Variants in CLEC4D observed in about 807,000 individuals in gnomAD.
CLEC4D encodes C-type lectin domain family 4 member D.
In CLEC4D, 21 loss-of-function variants were observed where a neutral mutation model predicts 21.1. The ratio of observed to expected loss-of-function variants is 1.00; its 90% CI spans 0.71 to 1.43. CLEC4D has a LOEUF of 1.43. Among genes scored for constraint, CLEC4D ranks in the 40% most tolerant of loss-of-function variants. CLEC4D has a pLI of 0.00. For missense variants in CLEC4D, 289 were observed against 260.7 expected, an observed-to-expected ratio of 1.11 and a Z score of -0.75; for synonymous variants, 85 against 83.1, an observed-to-expected ratio of 1.02 and a Z score of -0.12.
At position 8,513,727 on chromosome 12, in the gene CLEC4D, TA is replaced by T; in HGVS notation, c.-5del. The T allele has an allele frequency of 9.0e-7, 1 of 1,115,802 alleles. No individual in the cohort carries two copies. Among genetic ancestry groups the T allele is most frequent in the Non-Finnish European group, 1.4e-6 (1 of 726,690 alleles). 69.1% of individuals were successfully genotyped at this position (1,115,802 alleles called of 1,614,324 possible). On this transcript the variant is annotated 5_prime_UTR_variant, in exon 1 of 6. Coordinates refer to ENST00000299665, the MANE Select transcript of CLEC4D (RefSeq NM_080387.5). ...CCTGACCATTGAACAAGAGACTAATTAGACAATGGGGCTAGAAAAACCTCAA... is the reference window on the plus strand; with the variant it reads ...CCTGACCATTGAACAAGAGACTAATTGACAATGGGGCTAGAAAAACCTCAA...
chr12:8,515,328 G>T lies in CLEC4D; in HGVS notation c.121G>T (p.Val41Leu). 2 of 1,284,984 alleles carry T rather than the reference G, an allele frequency of 1.6e-6. No individual in the cohort carries two copies. Among genetic ancestry groups the T allele is most frequent in the Non-Finnish European group, 2.3e-6 (2 of 880,646 alleles). The allele number at this position is 1,284,984 out of a possible 1,614,324, so 79.6% of individuals were successfully genotyped here. The change falls in exon 2 of 6, where the codon GTG becomes TTG. Residue 41 changes from valine to leucine, a missense_variant and splice_region_variant. Physicochemically the swap from Val to Leu is conservative, Grantham distance 32. Transcript: ENST00000299665. ...TGTCTGTTTTATTGCAAGTTGTTTG[G>T]GTAAGTTATTAGCCAAAGTAGAACT... is the stretch of plus-strand genomic sequence containing the variant. The part of the protein sequence containing the change: ...LSVCFIASCL[V>L]THHNFSRCKR...
At chr12:8,519,952 G>A (rs1940436784) in intron 4 of CLEC4D, among the ~76,000 whole-genome samples, 1 of 152,184 alleles carries the variant, frequency 6.6e-6, no homozygotes, top group African/African-American at 2.4e-5. Context: ...ATCTTATTAA[G>A]CATTGTGCTA....
At position 8,513,635 on chromosome 12, in the gene CLEC4D, C is replaced by G. The variant is rs748701347; in HGVS notation, c.-98C>G. 18 of 697,326 alleles carry G rather than the reference C, an allele frequency of 2.6e-5. No homozygotes were observed. The South Asian group carries it at 3.0e-4, about 12-fold the overall frequency. 43.2% of individuals were successfully genotyped at this position (697,326 alleles called of 1,614,324 possible). A position where few individuals can be genotyped will look rare whatever the true frequency, so the allele number is the denominator to read the frequency against. ...CATTGGTGTTCGATCTCAAGTATTT[C>G]TGAATATATTCCCCTATCCACAGAA... On this transcript the variant is annotated 5_prime_UTR_variant, in exon 1 of 6. Transcript: ENST00000299665.
chr12:8,528,989 T>C, the CLEC4D span, among the ~76,000 whole-genome samples: 1 of 152,106 alleles, frequency 6.6e-6, no homozygotes, highest in African/African-American at 2.4e-5. Flanking sequence ...TCTTAAACAT[T>C]TGCATTTTTT....
intron 1 of CLEC4D, among the ~76,000 whole-genome samples, chr12:8,514,327 A>G (rs1940347226): frequency 6.6e-6 from 1 of 152,116 alleles, no homozygotes; most frequent in African/African-American, 2.4e-5. Flanking sequence ...TTTTGCATCA[A>G]TATATACTGA....
At chr12:8,522,495 T>C (rs1242966655), downstream of CLEC4D, 1 of 152,448 alleles carries the variant, frequency 6.6e-6, no homozygotes, top group Non-Finnish European at 1.5e-5. Flanking sequence ...ATTTTTTGGG[T>C]TTGAAATACT....
rs78182588 is a variant in CLEC4D, at chr12:8,518,720, C to T, written c.233-289C>T. The stretch of plus-strand genomic sequence containing the variant: ...CTGCAAAAGCTTCGTAATGGAAACA[C>T]TTTAAATGTGCAAGTCAACAGATGT... On this transcript the variant is annotated intron_variant, in intron 3 of 5. Coordinates refer to ENST00000299665, the MANE Select transcript of CLEC4D (RefSeq NM_080387.5). 3.6e-3 allele frequency among the ~76,000 whole-genome samples: 552 copies of T among 152,342 alleles called. 3 individuals carry two copies. The highest frequency in any genetic ancestry group is 0.012 in the African/African-American group (510 of 41,578).
Position 8,513,552 on chromosome 12 carries a change from C to G in CLEC4D, c.-181C>G, listed in dbSNP as rs780827075. On this transcript the variant is annotated 5_prime_UTR_variant, in exon 1 of 6. Transcript: ENST00000299665. ...AGGAAACCCCTGTCTTTGAAAAAGA[C>G]TTCTTTTGAGCTAACTTTCTTATAC... 5 of 346,720 alleles carry G rather than the reference C, an allele frequency of 1.4e-5. No individual in the cohort carries two copies. In the Admixed American group the frequency reaches 1.7e-4, roughly 12 times the overall value. 21.5% of individuals were successfully genotyped at this position (346,720 alleles called of 1,614,324 possible).
chr12:8,527,835 G>A, the CLEC4D span, among the ~76,000 whole-genome samples: 26 of 152,226 alleles, frequency 1.7e-4, no homozygotes, highest in Non-Finnish European at 3.7e-4. Context: ...GCGTTTGTGA[G>A]TGGGATCTTC....
chr12:8,526,588 C>T (rs1297308774), downstream of CLEC4D, among the ~76,000 whole-genome samples: 1 of 152,160 alleles, frequency 6.6e-6, no homozygotes, highest in Non-Finnish European at 1.5e-5. Context: ...ATTCATCTAA[C>T]CGTTTATCAA....
At position 8,521,151 on chromosome 12, in the gene CLEC4D, C is replaced by T; in HGVS notation, c.528C>T (p.Asn176=). The change falls in exon 6 of 6, where the codon AAC becomes AAT. Residue 176 remains asparagine (N), a synonymous_variant. Coordinates refer to ENST00000299665, the MANE Select transcript of CLEC4D (RefSeq NM_080387.5). The part of the protein sequence containing the change: ...RVFWHKNEPD[N]SQGENCVVLV... ...TCTGGCATAAGAATGAACCCGACAA[C>T]TCTCAGGGAGAAAACTGTGTTGTTC... 1 of 1,613,444 alleles carries T rather than the reference C, an allele frequency of 6.2e-7. No homozygotes were observed. Among genetic ancestry groups the T allele is most frequent in the Non-Finnish European group, 8.5e-7 (1 of 1,179,574 alleles).
intron 2 of CLEC4D, among the ~76,000 whole-genome samples, chr12:8,515,709 C>T (rs1940370624): frequency 6.6e-6 from 1 of 152,122 alleles, no homozygotes; most frequent in Non-Finnish European, 1.5e-5. Context: ...TTCTCTCTCT[C>T]TCTTTCCCTC....
Position 8,518,329 on chromosome 12 carries a change from G to T in CLEC4D, c.232+55G>T, listed in dbSNP as rs1056028472. 4 of 780,678 alleles carry T rather than the reference G, an allele frequency of 5.1e-6. No individual in the cohort carries two copies. The African/African-American group carries it at 6.8e-5, about 13-fold the overall frequency. 48.4% of individuals were successfully genotyped at this position (780,678 alleles called of 1,614,324 possible). A position where few individuals can be genotyped will look rare whatever the true frequency, so the allele number is the denominator to read the frequency against. On this transcript the variant is annotated intron_variant, in intron 3 of 5. Transcript: ENST00000299665. ...ATTTCCATTTTCGTTCAAATTCATA[G>T]TCTGACTGAAGGAATGTCAGTAGTG...
chr12:8,518,130 A>C, intron 2 of CLEC4D, 34 bp from the exon 3 acceptor site: 1 of 851,560 alleles, frequency 1.2e-6, no homozygotes, highest in African/African-American at 1.7e-5. Flanking sequence ...GGTTATATAG[A>C]AAAAGAAACC....
At chr12:8,530,360 A>C in the CLEC4D span, among the ~76,000 whole-genome samples, 2 of 151,912 alleles carry the variant, frequency 1.3e-5, no homozygotes, top group African/African-American at 4.8e-5. Context: ...ACCCACAACT[A>C]TCATTATTTC....
chr12:8,523,049 G>T (rs1292144007), downstream of CLEC4D, among the ~76,000 whole-genome samples: 1 of 152,084 alleles, frequency 6.6e-6, no homozygotes, highest in South Asian at 2.1e-4. Context: ...GTGCTTCATT[G>T]GTCTATATGT....
At chr12:8,529,877 A>C in the CLEC4D span, among the ~76,000 whole-genome samples, 1 of 152,226 alleles carries the variant, frequency 6.6e-6, no homozygotes, top group African/African-American at 2.4e-5. Flanking sequence ...TCAAGGAATT[A>C]TAGTATAAAC....
intron 3 of CLEC4D, 98 bp from the exon 4 acceptor site, chr12:8,518,911 A>T (rs1036183605): frequency 6.9e-6 from 10 of 1,450,918 alleles, no homozygotes; most frequent in African/African-American, 1.4e-5. Flanking sequence ...TATTATTCTC[A>T]CAAATATTAA....
chr12:8,518,372 A>T (rs1178072990), intron 3 of CLEC4D, 98 bp downstream of exon 3: 1 of 639,294 alleles, frequency 1.6e-6, no homozygotes, highest in African/African-American at 1.8e-5. Context: ...AAAGATTAAA[A>T]TAGCATAAGA....
Sources: allele counts gnomAD v4.1 joint callset (sites outside exome capture counted in the v4.1 genomes callset), GRCh38; gene constraint gnomAD v4.1.1; transcripts MANE v1.5; gene names NCBI Gene and HGNC (gene_info 2026-07-23, HGNC 2026-07-21).